Variants in SCN1A observed in about 807,000 individuals in gnomAD.
SCN1A encodes sodium channel protein type 1 subunit alpha.
In SCN1A, 13 loss-of-function variants were observed where a neutral mutation model predicts 193.7. That is an observed-to-expected ratio of 0.07 (90% confidence interval 0.04 to 0.11). SCN1A has a LOEUF of 0.11. Among genes scored for constraint, SCN1A ranks in the 10% least tolerant of loss-of-function variants. The probability of loss-of-function intolerance (pLI) is 1.00; values close to 1 mark genes in which losing one functional copy is unlikely to be tolerated. For synonymous variants in SCN1A, 781 were observed against 843.6 expected (o/e 0.93, Z 1.29); for missense variants, 1,432 against 2,451.1 (o/e 0.58, Z 8.78).
At chr2:166,026,797 T>C (rs372058802) in intron 19 of SCN1A, among the ~76,000 whole-genome samples, 22 of 150,738 alleles carry the variant, frequency 1.5e-4, no homozygotes, top group Non-Finnish European at 2.1e-4. Flanking sequence ...CATTCTCCTG[T>C]CTCAGCCTCC....
chr2:166,029,398 G>A (rs1440409930), intron 19 of SCN1A, among the ~76,000 whole-genome samples: 1 of 152,076 alleles, frequency 6.6e-6, no homozygotes, highest in Non-Finnish European at 1.5e-5. Flanking sequence ...GGTGGACAAA[G>A]ATAGGTAGCT....
At chr2:166,099,195 G>A (rs1195120172) in intron 2 of SCN1A, among the ~76,000 whole-genome samples, 2 of 152,012 alleles carry the variant, frequency 1.3e-5, no homozygotes, top group African/African-American at 4.8e-5. Flanking sequence ...TGGGATGCAA[G>A]GCTGGTTCAA....
chr2:166,121,484 AATGTAAATGTGACATT>A (rs1690591262), intron 2 of SCN1A, among the ~76,000 whole-genome samples: 1 of 152,218 alleles, frequency 6.6e-6, no homozygotes, highest in Non-Finnish European at 1.5e-5. Context: ...ACAGATCATG[AATGTAAATGTGACATT>A]ATAGGCACAG....
chr2:166,054,540 A>T lies in SCN1A; in HGVS notation c.602+98T>A, dbSNP rs369644482. On this transcript the variant is annotated intron_variant, in intron 7 of 28. Coordinates refer to ENST00000674923, the MANE Select transcript of SCN1A (RefSeq NM_001165963.4). Reference sequence around the variant, plus strand: ...GAGTTTGAATGTATAAATCACACCAAAATATTCTACAGGTAAAGCAAACCT... The same window carrying T: ...GAGTTTGAATGTATAAATCACACCATAATATTCTACAGGTAAAGCAAACCT... The T allele has an allele frequency of 2.5e-4, 326 of 1,312,262 alleles. 1 individual carries two copies. In the South Asian group the frequency reaches 3.9e-3, roughly 16 times the overall value. The allele number at this position is 1,312,262 out of a possible 1,614,324, so 81.3% of individuals were successfully genotyped here. A position where few individuals can be genotyped will look rare whatever the true frequency, so the allele number is the denominator to read the frequency against.
intron 4 of SCN1A, among the ~76,000 whole-genome samples, chr2:166,066,972 A>G (rs1258562658): frequency 6.6e-6 from 1 of 152,074 alleles, no homozygotes; most frequent in African/African-American, 2.4e-5. Context: ...CTTACCTATT[A>G]CAGGTCAGCT....
Position 166,139,805 on chromosome 2 carries a change from G to A in SCN1A, c.-50+9242C>T, listed in dbSNP as rs573788477. Among the ~76,000 whole-genome samples the A allele has an allele frequency of 1.6e-4, 25 of 152,216 alleles. No homozygotes were observed. The East Asian group carries it at 4.6e-3, about 28-fold the overall frequency. On this transcript the variant is annotated intron_variant, in intron 1 of 26. Transcript: ENST00000635750. The stretch of plus-strand genomic sequence containing the variant: ...TGGGGAAAACTGCTCCCACGATTCA[G>A]TTATCTCTCACCAGGTCCCTCCCAC...
In SCN1A at chr2:165,992,454, G is replaced by A; in HGVS notation, c.4853-32C>T. The A allele has an allele frequency of 6.2e-7, 1 of 1,611,106 alleles. No individual in the cohort carries two copies. Among genetic ancestry groups the A allele is most frequent in the Non-Finnish European group, 8.5e-7 (1 of 1,177,830 alleles). On this transcript the variant is annotated intron_variant, in intron 28 of 28. Transcript: ENST00000674923. This position sits in a 1 kb window ranked among gnomAD's most constrained non-coding sequence, Gnocchi z 6.5. ...ATAAACAATGAGAATACCAACCAGTGAAGAAATCATGCGTTAAAATAAACA... is the reference window on the plus strand; with the variant it reads ...ATAAACAATGAGAATACCAACCAGTAAAGAAATCATGCGTTAAAATAAACA...
At position 166,007,671 on chromosome 2, in the gene SCN1A, G is replaced by A. The variant is rs890146293; in HGVS notation, c.4002+2048C>T. On this transcript the variant is annotated intron_variant, in intron 23 of 28. Transcript: ENST00000674923. ...TTGTTACTTTCTAACTTCTTATCAA[G>A]CACTGTACAACATGCTTTATTCAGT... Among the ~76,000 whole-genome samples the A allele has an allele frequency of 7.9e-5, 12 of 151,346 alleles. No individual in the cohort carries two copies. The highest frequency in any genetic ancestry group is 2.7e-4 in the African/African-American group (11 of 41,334).
At chr2:166,125,661 C>T (rs1431057948) in intron 2 of SCN1A, among the ~76,000 whole-genome samples, 1 of 152,142 alleles carries the variant, frequency 6.6e-6, no homozygotes, top group African/African-American at 2.4e-5. Flanking sequence ...ATAGAGTTTA[C>T]TTTGGGTATC....
chr2:166,042,222 T>C (rs1559212184), intron 15 of SCN1A, 70 bp downstream of exon 15: 16 of 1,497,228 alleles, frequency 1.1e-5, no homozygotes, highest in Non-Finnish European at 1.4e-5. Flanking sequence ...CTCACAAATA[T>C]ATTTGTTTGA....
intron 14 of SCN1A, 34 bp from the exon 15 acceptor site, chr2:166,042,458 A>C: frequency 6.2e-7 from 1 of 1,606,704 alleles, no homozygotes; most frequent in Middle Eastern, 1.7e-4. Flanking sequence ...TTAAACAATT[A>C]ATTTGAGCAA....
intron 1 of SCN1A, among the ~76,000 whole-genome samples, chr2:166,140,217 A>G (rs953252867): frequency 5.9e-5 from 9 of 152,166 alleles, no homozygotes; most frequent in Non-Finnish European, 1.3e-4. Context: ...AGGCCATACT[A>G]AAACTCTCCA....
chr2:166,097,233 G>A (rs192328228), intron 2 of SCN1A, among the ~76,000 whole-genome samples: 1 of 152,256 alleles, frequency 6.6e-6, no homozygotes, highest in Admixed American at 6.5e-5. Context: ...TGTCACCCAG[G>A]CTGGTCTTGA....
At position 166,127,853 on chromosome 2, in the gene SCN1A, A is replaced by C. The variant is rs1405470122; in HGVS notation, c.-311T>G. On this transcript the variant is annotated 5_prime_UTR_variant, in exon 1 of 29. It adds an upstream start codon to the 5' untranslated region. Coordinates refer to ENST00000674923, the MANE Select transcript of SCN1A (RefSeq NM_001165963.4). ...ATGATAACAATGTGCCTTCAGTTGCAATTGTTCAGATTCCTTCTTGCAAAA... is the reference window on the plus strand; with the variant it reads ...ATGATAACAATGTGCCTTCAGTTGCCATTGTTCAGATTCCTTCTTGCAAAA... 1 of 152,138 alleles carries C rather than the reference A, an allele frequency of 6.6e-6. No individual in the cohort carries two copies. The highest frequency in any genetic ancestry group is 1.5e-5 in the Non-Finnish European group (1 of 68,042). The allele number at this position is 152,138 out of a possible 1,614,324, so 9.4% of individuals were successfully genotyped here.
At chr2:166,039,396 T>C in intron 17 of SCN1A, 27 bp downstream of exon 17, 1 of 1,550,468 alleles carries the variant, frequency 6.4e-7, no homozygotes, top group Non-Finnish European at 8.6e-7. Flanking sequence ...GGTTTTTGAA[T>C]TTGGTGCTTT....
intron 18 of SCN1A, among the ~76,000 whole-genome samples, chr2:166,037,022 T>G (rs4667863): frequency 0.74 from 112,145 of 152,066 alleles, 41,746 homozygotes; most frequent in East Asian, 0.89. Context: ...ATCTATTATA[T>G]TTCTCATACT....
intron 10 of SCN1A, 42 bp from the exon 11 acceptor site, chr2:166,047,810 G>T (rs768116136): frequency 2.0e-5 from 32 of 1,612,130 alleles, no homozygotes; most frequent in Non-Finnish European, 2.5e-5. Flanking sequence ...TCGTTCTGCT[G>T]CCTTTTTACT....
chr2:166,105,046 T>C (rs916041332), intron 2 of SCN1A, among the ~76,000 whole-genome samples: 1 of 152,228 alleles, frequency 6.6e-6, no homozygotes, highest in Non-Finnish European at 1.5e-5. Flanking sequence ...TTATATCATA[T>C]GTCTTACTCC....
chr2:166,063,275 A>G (rs920474249), intron 4 of SCN1A, among the ~76,000 whole-genome samples: 1 of 152,170 alleles, frequency 6.6e-6, no homozygotes, highest in Non-Finnish European at 1.5e-5. Context: ...TAGATTTTAT[A>G]TATGAAAAAT....
Sources: gnomAD v4.1 joint callset for allele counts (sites outside exome capture counted in the v4.1 genomes callset) on GRCh38, gnomAD v4.1.1 for gene constraint, Gnocchi (gnomAD v3.1) non-coding constraint, MANE v1.5 for transcripts, NCBI Gene and HGNC (gene_info 2026-07-23, HGNC 2026-07-21) for gene names.